The following SPAG1 variants were observed in gnomAD, a reference collection of about 807,000 sequenced individuals.
SPAG1 encodes sperm-associated antigen 1.
Under a neutral mutation model 100.5 loss-of-function variants are expected in SPAG1, and 69 were observed. The observed-to-expected ratio is 0.69, with a 90% CI of 0.57 to 0.84. The LOEUF (loss-of-function observed/expected upper bound fraction) is 0.84. Among genes scored for constraint, SPAG1 ranks in the 40% least tolerant of loss-of-function variants. SPAG1 has a pLI of 0.00. For missense variants in SPAG1, 955 were observed against 1,133.1 expected, an observed-to-expected ratio of 0.84 and a Z score of 2.26; for synonymous variants, 336 against 411.6, an observed-to-expected ratio of 0.82 and a Z score of 2.22.
Position 100,172,577 on chromosome 8 carries a change from A to G in SPAG1, c.301-5239A>G, listed in dbSNP as rs56204924. Among the ~76,000 whole-genome samples the G allele has an allele frequency of 4.4e-3, 663 of 151,940 alleles. 6 individuals carry two copies. The highest frequency in any genetic ancestry group is 6.0e-3 in the Non-Finnish European group (410 of 67,982). Reference sequence around the variant, plus strand: ...GGAGGTTGTAGTGAGCAAAGATGGCACCACTGTACTCCAGCCTGGGAGACA... The same window carrying G: ...GGAGGTTGTAGTGAGCAAAGATGGCGCCACTGTACTCCAGCCTGGGAGACA... On this transcript the variant is annotated intron_variant, in intron 3 of 18. Coordinates refer to ENST00000388798, the MANE Select transcript of SPAG1 (RefSeq NM_003114.5).
At chr8:100,211,473 T>C (rs374055276) in intron 10 of SPAG1, among the ~76,000 whole-genome samples, 1 of 152,084 alleles carries the variant, frequency 6.6e-6, no homozygotes, top group Admixed American at 6.5e-5. Flanking sequence ...CTGGACAACA[T>C]AGCAAGGCCT....
intron 8 of SPAG1, among the ~76,000 whole-genome samples, chr8:100,190,659 TTTTC>T: frequency 7.4e-6 from 1 of 135,248 alleles, no homozygotes; most frequent in Non-Finnish European, 1.6e-5. Context: ...TATACTTTTT[TTTTC>T]TTTTTTTTTT....
At chr8:100,170,945 G>A (rs1815802041) in intron 3 of SPAG1, among the ~76,000 whole-genome samples, 1 of 151,928 alleles carries the variant, frequency 6.6e-6, no homozygotes. Flanking sequence ...CAGGGAAATC[G>A]TTCTGACTTT....
chr8:100,200,517 G>A (rs1490747440), intron 10 of SPAG1, among the ~76,000 whole-genome samples: 3 of 152,180 alleles, frequency 2.0e-5, no homozygotes, highest in South Asian at 2.1e-4. Flanking sequence ...TTGAGGAATC[G>A]CCACACTGTC....
Position 100,187,153 on chromosome 8 carries a change from T to C in SPAG1, c.735T>C (p.Tyr245=). Residue 245 remains tyrosine, a synonymous_variant, in exon 8 of 19, where the codon TAT becomes TAC. Transcript: ENST00000388798. ...CAGCGCTTCCCACTGTAGTTGCCTATAACAATCGAGCTCAAGCAGAAATCA... is the reference window on the plus strand; with the variant it reads ...CAGCGCTTCCCACTGTAGTTGCCTACAACAATCGAGCTCAAGCAGAAATCA... The part of the protein sequence containing the change: ...SISALPTVVA[Y]NNRAQAEIKL... The C allele has an allele frequency of 6.2e-7, 1 of 1,613,124 alleles. No homozygotes were observed. The highest frequency in any genetic ancestry group is 8.5e-7 in the Non-Finnish European group (1 of 1,179,402).
At chr8:100,193,499 A>C (rs185411325) in intron 9 of SPAG1, among the ~76,000 whole-genome samples, 2 of 152,172 alleles carry the variant, frequency 1.3e-5, no homozygotes, top group Admixed American at 6.5e-5. Context: ...CAAAACAAAC[A>C]AAAAAGCCAC....
intron 16 of SPAG1, among the ~76,000 whole-genome samples, chr8:100,236,894 A>G (rs1159909291): frequency 1.3e-5 from 2 of 152,218 alleles, no homozygotes; most frequent in Non-Finnish European, 2.9e-5. Flanking sequence ...TTATGTATCA[A>G]TACAAATATC....
chr8:100,176,858 TCCCCTTCCCCATACCCCTCCCTCTC>T (rs1490516907), intron 3 of SPAG1, among the ~76,000 whole-genome samples: 1 of 121,802 alleles, frequency 8.2e-6, no homozygotes, highest in Non-Finnish European at 1.7e-5. Flanking sequence ...CTCCTCCCTC[TCCCCTTCCCCATACCCCTCCCTCTC>T]CCTCTCCTCC....
At chr8:100,186,869 C>A (rs750955041) in intron 7 of SPAG1, among the ~76,000 whole-genome samples, 1 of 152,068 alleles carries the variant, frequency 6.6e-6, no homozygotes, top group Non-Finnish European at 1.5e-5. Context: ...TATAAGGAAA[C>A]CATTTTTATG....
Position 100,213,110 on chromosome 8 carries a change from GC to G in SPAG1, c.1119del (p.Ala374ArgfsTer16), listed in dbSNP as rs1244721341. Reference sequence around the variant, plus strand: ...CACAGAGCCCGCGGAGCCGGCGGGAGCCGCGCGCGCCGCCCAGCCGTGCGTC... The same window carrying G: ...CACAGAGCCCGCGGAGCCGGCGGGAGCGCGCGCGCCGCCCAGCCGTGCGTC... ...GDKKPAEPAG[A>X]ARAAQPCVMG... On this transcript the variant is annotated frameshift_variant, in exon 11 of 19. Transcript: ENST00000388798. LOFTEE classifies it high-confidence loss of function. 3 of 1,481,118 alleles carry G rather than the reference GC, an allele frequency of 2.0e-6. No homozygotes were observed. The highest frequency in any genetic ancestry group is 2.7e-6 in the Non-Finnish European group (3 of 1,123,128). 91.7% of individuals were successfully genotyped at this position (1,481,118 alleles called of 1,614,324 possible). A position where few individuals can be genotyped will look rare whatever the true frequency, so the allele number is the denominator to read the frequency against.
chr8:100,190,841 T>G (rs1333727558), intron 8 of SPAG1, among the ~76,000 whole-genome samples: 1 of 151,738 alleles, frequency 6.6e-6, no homozygotes, highest in Non-Finnish European at 1.5e-5. Context: ...ATTTTTTTTT[T>G]GTATTTTTAG....
intron 10 of SPAG1, among the ~76,000 whole-genome samples, chr8:100,205,126 A>G (rs1044074131): frequency 7.2e-5 from 11 of 152,208 alleles, no homozygotes; most frequent in African/African-American, 2.7e-4. Context: ...AAAAACAGAG[A>G]ATCATGGCTT....
At chr8:100,180,374 A>C (rs2132248970) in intron 4 of SPAG1, among the ~76,000 whole-genome samples, 1 of 152,298 alleles carries the variant, frequency 6.6e-6, no homozygotes, top group African/African-American at 2.4e-5. Context: ...GAGGTATTAA[A>C]TATTTAGTAT....
chr8:100,175,579 C>A (rs1586407889), intron 3 of SPAG1, among the ~76,000 whole-genome samples: 1 of 152,108 alleles, frequency 6.6e-6, no homozygotes, highest in Non-Finnish European at 1.5e-5. Context: ...GCCACCGCAC[C>A]CAGCTAGCAC....
intron 2 of SPAG1, 63 bp downstream of exon 2, chr8:100,162,483 TC>T: frequency 7.7e-6 from 10 of 1,300,998 alleles, no homozygotes; most frequent in Non-Finnish European, 9.4e-6. Context: ...GTTGTTACCT[TC>T]TAAAGGTAAA....
At position 100,231,301 on chromosome 8, in the gene SPAG1, T is replaced by C. The variant is rs748309650; in HGVS notation, c.1988+13T>C. 1 of 1,451,026 alleles carries C rather than the reference T, an allele frequency of 6.9e-7. No homozygotes were observed. The highest frequency in any genetic ancestry group is 1.3e-5 in the South Asian group (1 of 74,614). The allele number at this position is 1,451,026 out of a possible 1,614,324, so 89.9% of individuals were successfully genotyped here. On this transcript the variant is annotated intron_variant, in intron 15 of 18. Transcript: ENST00000388798. The stretch of plus-strand genomic sequence containing the variant: ...TATATACAAACAGGCAAGTTCTTTG[T>C]AACTTTATATATTTCTTATGTTAAT...
chr8:100,213,085 C>T lies in SPAG1; in HGVS notation c.1097-5C>T. 1 of 1,466,812 alleles carries T rather than the reference C, an allele frequency of 6.8e-7. No homozygotes were observed. Among genetic ancestry groups the T allele is most frequent in the Non-Finnish European group, 9.0e-7 (1 of 1,115,558 alleles). 90.9% of individuals were successfully genotyped at this position (1,466,812 alleles called of 1,614,324 possible). On this transcript the variant is annotated splice_region_variant and splice_polypyrimidine_tract_variant and intron_variant, in intron 10 of 18. Transcript: ENST00000388798. The stretch of plus-strand genomic sequence containing the variant: ...CCCTCACTTCCCGCATCCACTTCCT[C>T]ACAGAGCCCGCGGAGCCGGCGGGAG...
At chr8:100,164,820 A>G (rs375150792) in intron 2 of SPAG1, among the ~76,000 whole-genome samples, 112 of 152,360 alleles carry the variant, frequency 7.4e-4, no homozygotes, top group Admixed American at 1.2e-3. Flanking sequence ...TGAGTCTGCA[A>G]ACCAGATGCT....
At chr8:100,175,242 T>C (rs986538912) in intron 3 of SPAG1, among the ~76,000 whole-genome samples, 17 of 151,886 alleles carry the variant, frequency 1.1e-4, no homozygotes, top group Admixed American at 1.1e-3. Context: ...TCTTCTGTAG[T>C]GTTGACAATC....
Sources: allele counts gnomAD v4.1 joint callset (sites outside exome capture counted in the v4.1 genomes callset), GRCh38; gene constraint gnomAD v4.1.1; transcripts MANE v1.5; gene names NCBI Gene and HGNC (gene_info 2026-07-23, HGNC 2026-07-21).